Variants in MAF observed in about 807,000 individuals in gnomAD.
MAF encodes the protein MAF bZIP transcription factor.
In MAF, 10 loss-of-function variants were observed where a neutral mutation model predicts 22.0. That is an observed-to-expected ratio of 0.45 (90% CI 0.28 to 0.77). The LOEUF (loss-of-function observed/expected upper bound fraction) is 0.77. Among genes scored for constraint, MAF ranks in the 30% least tolerant of loss-of-function variants. The pLI is 0.12. For synonymous variants in MAF, 337 were observed against 255.8 expected (o/e 1.32, Z -3.03); for missense variants, 544 against 548.4 (o/e 0.99, Z 0.08).
the MAF span, among the ~76,000 whole-genome samples, chr16:79,571,904 G>T: frequency 6.6e-6 from 1 of 152,154 alleles, no homozygotes; most frequent in Middle Eastern, 3.2e-3. Context: ...CAAGGTCAAA[G>T]AATTAGAACT....
At chr16:79,208,275 G>T in the MAF span, among the ~76,000 whole-genome samples, 10 of 151,930 alleles carry the variant, frequency 6.6e-5, no homozygotes, top group African/African-American at 2.4e-4. Context: ...GTCCTGTGTC[G>T]TCAACAACCT....
the MAF span, among the ~76,000 whole-genome samples, chr16:79,325,549 A>G: frequency 6.6e-6 from 1 of 151,950 alleles, no homozygotes; most frequent in South Asian, 2.1e-4. Flanking sequence ...GGCTTCCTTA[A>G]GGCACACAGA....
the MAF span, among the ~76,000 whole-genome samples, chr16:79,433,276 AAAT>A: frequency 2.1e-3 from 305 of 143,210 alleles, 5 homozygotes; most frequent in Admixed American, 0.012. Context: ...GTAAAAAAAA[AAAT>A]ATATATATAT....
At chr16:79,280,299 C>G in the MAF span, among the ~76,000 whole-genome samples, 2 of 152,208 alleles carry the variant, frequency 1.3e-5, no homozygotes, top group East Asian at 1.9e-4. Flanking sequence ...GGCAGACTCA[C>G]CTCAACATTT....
the MAF span, among the ~76,000 whole-genome samples, chr16:79,240,698 G>C: frequency 6.6e-6 from 1 of 151,776 alleles, no homozygotes; most frequent in Non-Finnish European, 1.5e-5. Flanking sequence ...GCTCTGCTAA[G>C]GGTCAGACTG....
the MAF span, among the ~76,000 whole-genome samples, chr16:79,386,556 C>G: frequency 1.3e-5 from 2 of 152,110 alleles, no homozygotes; most frequent in African/African-American, 4.8e-5. Context: ...TGGCCTGGCT[C>G]GTAACAGGCC....
chr16:79,283,775 C>G, the MAF span, among the ~76,000 whole-genome samples: 1 of 152,066 alleles, frequency 6.6e-6, no homozygotes, highest in Admixed American at 6.6e-5. Context: ...CCGCACAGAA[C>G]CTGCACGCTG....
the MAF span, among the ~76,000 whole-genome samples, chr16:79,508,397 C>T: frequency 6.6e-6 from 1 of 152,184 alleles, no homozygotes; most frequent in Non-Finnish European, 1.5e-5. Context: ...GAACTGCTTT[C>T]TCCATGGGCC....
chr16:79,508,357 G>A, the MAF span, among the ~76,000 whole-genome samples: 1 of 152,134 alleles, frequency 6.6e-6, no homozygotes, highest in Non-Finnish European at 1.5e-5. Context: ...TCATTTCCCT[G>A]ACTCCTTCCC....
the MAF span, among the ~76,000 whole-genome samples, chr16:79,408,709 T>C: frequency 6.6e-6 from 1 of 151,632 alleles, no homozygotes; most frequent in East Asian, 2.0e-4. Flanking sequence ...CCTTTCTCTC[T>C]CCTCCACTCC....
chr16:79,490,990 G>A, the MAF span, among the ~76,000 whole-genome samples: 124 of 152,230 alleles, frequency 8.1e-4, no homozygotes, highest in African/African-American at 2.9e-3. Flanking sequence ...CACAAGCTAG[G>A]GAAATCACGT....
chr16:79,554,748 T>C, the MAF span, among the ~76,000 whole-genome samples: 1 of 152,102 alleles, frequency 6.6e-6, no homozygotes, highest in African/African-American at 2.4e-5. Flanking sequence ...CTCCCACAAA[T>C]AAGATTTTTG....
chr16:79,231,138 G>A, the MAF span, among the ~76,000 whole-genome samples: 3 of 152,000 alleles, frequency 2.0e-5, no homozygotes, highest in South Asian at 2.1e-4. Context: ...GGACAGCCAC[G>A]ATACTGTCTC....
At chr16:79,589,389 C>T (rs1201486341), downstream of MAF, among the ~76,000 whole-genome samples, 1 of 152,070 alleles carries the variant, frequency 6.6e-6, no homozygotes, top group African/African-American at 2.4e-5. Flanking sequence ...AACCCCAAAC[C>T]GTATCGAGAT....
chr16:79,340,293 A>G, the MAF span, among the ~76,000 whole-genome samples: 1 of 151,974 alleles, frequency 6.6e-6, no homozygotes, highest in Admixed American at 6.5e-5. Flanking sequence ...CTCTTCAAAA[A>G]GATGCCTTGT....
the MAF span, among the ~76,000 whole-genome samples, chr16:79,283,851 G>A: frequency 1.3e-5 from 2 of 151,930 alleles, no homozygotes; most frequent in Admixed American, 6.6e-5. Context: ...CAAGCTGCTT[G>A]GCCTGTCCTC....
At chr16:79,476,975 C>T in the MAF span, among the ~76,000 whole-genome samples, 1 of 152,116 alleles carries the variant, frequency 6.6e-6, no homozygotes, top group African/African-American at 2.4e-5. Context: ...CATCTTGCTC[C>T]AGAAGGTCAA....
the MAF span, among the ~76,000 whole-genome samples, chr16:79,434,941 T>C: frequency 6.6e-6 from 1 of 152,158 alleles, no homozygotes; most frequent in Non-Finnish European, 1.5e-5. Context: ...GGCAACGATT[T>C]GTTAATGGTC....
intron 1 of MAF, chr16:79,598,575 G>T: frequency 7.1e-7 from 1 of 1,406,428 alleles, no homozygotes; most frequent in Non-Finnish European, 9.2e-7. Flanking sequence ...CTCGAGCAGG[G>T]TGTGGGGTGT....
Sources: allele counts gnomAD v4.1 joint callset (sites outside exome capture counted in the v4.1 genomes callset), GRCh38; gene constraint gnomAD v4.1.1; transcripts MANE v1.5; gene names NCBI Gene and HGNC (gene_info 2026-07-23, HGNC 2026-07-21).